BTBD16: variants seen among roughly 807,000 people sequenced by gnomAD.
BTBD16 encodes BTB/POZ domain-containing protein 16.
BTBD16 carries 66 observed loss-of-function variants against 67.4 expected under a neutral mutation model. The ratio of observed to expected loss-of-function variants is 0.98; its 90% confidence interval spans 0.80 to 1.20. The LOEUF is 1.20. Ranked by LOEUF, BTBD16 falls within the 50% of genes most tolerant of loss-of-function variation. The pLI, the probability that BTBD16 is intolerant of heterozygous loss-of-function variation, is 0.00. For synonymous variants in BTBD16, 242 were observed against 236.4 expected (o/e 1.02, Z -0.22); for missense variants, 634 against 616.0 (o/e 1.03, Z -0.31).
intron 2 of BTBD16, among the ~76,000 whole-genome samples, chr10:122,276,246 T>A (rs558673407): frequency 1.3e-5 from 2 of 152,246 alleles, no homozygotes; most frequent in East Asian, 3.8e-4. Flanking sequence ...TTAATGGGTA[T>A]GGAATTTCTT....
chr10:122,275,759 A>G (rs571454903), intron 2 of BTBD16, among the ~76,000 whole-genome samples: 9 of 152,106 alleles, frequency 5.9e-5, no homozygotes, highest in Non-Finnish European at 1.2e-4. Context: ...TCTAAGGTTT[A>G]CATCCATGCT....
chr10:122,317,141 C>T (rs1590084804), intron 10 of BTBD16, among the ~76,000 whole-genome samples: 1 of 152,102 alleles, frequency 6.6e-6, no homozygotes, highest in East Asian at 1.9e-4. Context: ...AATGTTCTTT[C>T]TTCAATAACA....
Position 122,290,017 on chromosome 10 carries a change from A to T in BTBD16, c.475+19A>T. 1 of 1,494,460 alleles carries T rather than the reference A, an allele frequency of 6.7e-7. No individual in the cohort carries two copies. The highest frequency in any genetic ancestry group is 9.3e-7 in the Non-Finnish European group (1 of 1,080,130). The allele number at this position is 1,494,460 out of a possible 1,614,324, so 92.6% of individuals were successfully genotyped here. On this transcript the variant is annotated intron_variant, in intron 6 of 15. Coordinates refer to ENST00000260723, the MANE Select transcript of BTBD16 (RefSeq NM_144587.5). ...AAAGTCGGTATGTATATACCCGTCT[A>T]TATTCTGAGAATGCCATTGAACAAA...
chr10:122,281,878 G>C (rs74161444), intron 3 of BTBD16, among the ~76,000 whole-genome samples: 5,583 of 152,278 alleles, frequency 0.037, 331 homozygotes, highest in African/African-American at 0.13. Context: ...TCATGGTCAT[G>C]ACTTGGGGGC....
In BTBD16 at chr10:122,276,863, G is replaced by A; in HGVS notation, c.91G>A (p.Gly31Arg). 1 of 1,614,198 alleles carries A rather than the reference G, an allele frequency of 6.2e-7. No individual in the cohort carries two copies. Among genetic ancestry groups the A allele is most frequent in the Middle Eastern group, 1.6e-4 (1 of 6,062 alleles). ...GCGTTTGCCCAAACAGCCTTTCTCT[G>A]GGGACCTGCTCTCACTTTCCCAGAT... ...RWRLPKQPFS[G>R]DLLSLSQMCK... Residue 31 changes from glycine (G) to arginine (R), a missense_variant, in exon 3 of 16, where the codon GGG becomes AGG. Transcript: ENST00000260723.
intron 10 of BTBD16, among the ~76,000 whole-genome samples, chr10:122,318,029 G>A (rs1451636814): frequency 2.0e-5 from 3 of 152,074 alleles, no homozygotes; most frequent in Admixed American, 6.5e-5. Flanking sequence ...TCCAACAGAC[G>A]CACAGTAGGG....
Position 122,275,099 on chromosome 10 carries a change from G to T in BTBD16, c.18G>T (p.Thr6=), listed in dbSNP as rs756908935. 1 of 1,613,650 alleles carries T rather than the reference G, an allele frequency of 6.2e-7. No individual in the cohort carries two copies. The highest frequency in any genetic ancestry group is 2.2e-5 in the East Asian group (1 of 44,862). Residue 6 remains threonine (T), a splice_region_variant and synonymous_variant, in exon 2 of 16, where the codon ACG becomes ACT. Coordinates refer to ENST00000260723, the MANE Select transcript of BTBD16 (RefSeq NM_144587.5). MIMSN[T]HKARLERRVT... ...TTTCATTCATGATAATGTCGAACACGGTGAGTAGATCAGTTTCTCAAGAAG... is the reference window on the plus strand; with the variant it reads ...TTTCATTCATGATAATGTCGAACACTGTGAGTAGATCAGTTTCTCAAGAAG...
intron 3 of BTBD16, among the ~76,000 whole-genome samples, chr10:122,279,511 A>AACACACACACACACACACAC (rs143637448): frequency 0.016 from 2,334 of 143,922 alleles, 29 homozygotes; most frequent in African/African-American, 0.022. Flanking sequence ...GAGAAAGAGA[A>AACACACACACACACACACAC]ACACACACAC....
At chr10:122,313,842 T>G (rs1017731731) in intron 10 of BTBD16, among the ~76,000 whole-genome samples, 42 of 152,250 alleles carry the variant, frequency 2.8e-4, no homozygotes, top group Admixed American at 2.0e-3. Flanking sequence ...TGCTATGTGT[T>G]AAATGTTAGT....
intron 10 of BTBD16, among the ~76,000 whole-genome samples, chr10:122,316,691 A>G (rs766610504): frequency 2.6e-5 from 4 of 152,158 alleles, no homozygotes; most frequent in Admixed American, 6.5e-5. Context: ...GGCACTTATC[A>G]TGCATGGAAC....
At chr10:122,317,055 T>C (rs368463104) in intron 10 of BTBD16, among the ~76,000 whole-genome samples, 21 of 152,212 alleles carry the variant, frequency 1.4e-4, no homozygotes, top group African/African-American at 4.8e-4. Flanking sequence ...TCCCAAAGTG[T>C]TGGGATTACA....
chr10:122,294,669 C>G (rs2096379924), intron 7 of BTBD16, among the ~76,000 whole-genome samples: 1 of 152,380 alleles, frequency 6.6e-6, no homozygotes, highest in African/African-American at 2.4e-5. Flanking sequence ...TGAACTTCCT[C>G]TGTGGGCAAC....
At chr10:122,326,066 C>T (rs574254073) in intron 10 of BTBD16, among the ~76,000 whole-genome samples, 2 of 151,726 alleles carry the variant, frequency 1.3e-5, no homozygotes, top group East Asian at 3.9e-4. Flanking sequence ...TTTCTCTTCT[C>T]ATTGTGAGTT....
intron 15 of BTBD16, 23 bp from the exon 16 acceptor site, chr10:122,337,994 C>G (rs759075432): frequency 5.0e-6 from 8 of 1,596,714 alleles, no homozygotes; most frequent in Non-Finnish European, 6.9e-6. Context: ...GTCACATTCA[C>G]TTTGTTTTTT....
At chr10:122,324,379 G>C (rs1256366016) in intron 10 of BTBD16, among the ~76,000 whole-genome samples, 2 of 152,124 alleles carry the variant, frequency 1.3e-5, no homozygotes, top group Admixed American at 1.3e-4. Context: ...TGGGTGCCCT[G>C]AGCCCACTGA....
At chr10:122,298,478 G>A (rs898513812) in intron 8 of BTBD16, among the ~76,000 whole-genome samples, 13 of 152,210 alleles carry the variant, frequency 8.5e-5, no homozygotes, top group African/African-American at 3.1e-4. Context: ...AGGCCCAGAA[G>A]CTATTCGAGG....
intron 13 of BTBD16, among the ~76,000 whole-genome samples, chr10:122,333,271 C>A (rs2096458033): frequency 6.6e-6 from 1 of 152,084 alleles, no homozygotes; most frequent in South Asian, 2.1e-4. Context: ...GATCACAGAG[C>A]CAGGACTTCC....
chr10:122,284,333 C>T (rs2096359104), intron 4 of BTBD16, among the ~76,000 whole-genome samples: 1 of 152,048 alleles, frequency 6.6e-6, no homozygotes, highest in African/African-American at 2.4e-5. Context: ...CATGTAATCC[C>T]AGCTACTCAG....
In BTBD16 at chr10:122,291,065, G is replaced by T; in HGVS notation, c.476-15G>T. ...GAGCCCCACACAGATGGCTCGCTTG[G>T]CTGTGCCTCCCCAGCCTTCGCCACG... On this transcript the variant is annotated splice_polypyrimidine_tract_variant and intron_variant, in intron 6 of 15. Coordinates refer to ENST00000260723, the MANE Select transcript of BTBD16 (RefSeq NM_144587.5). 1 of 1,605,554 alleles carries T rather than the reference G, an allele frequency of 6.2e-7. No individual in the cohort carries two copies. Among genetic ancestry groups the T allele is most frequent in the Non-Finnish European group, 8.5e-7 (1 of 1,176,402 alleles).
Sources: allele counts gnomAD v4.1 joint callset (sites outside exome capture counted in the v4.1 genomes callset), GRCh38; gene constraint gnomAD v4.1.1; transcripts MANE v1.5; gene names NCBI Gene and HGNC (gene_info 2026-07-23, HGNC 2026-07-21).